FILIP1L: variants seen among roughly 807,000 people sequenced by gnomAD.
FILIP1L encodes the protein filamin A interacting protein 1 like, also known as filamin A-interacting protein 1-like.
Under a neutral mutation model 96.6 loss-of-function variants are expected in FILIP1L, and 55 were observed. The ratio of observed to expected loss-of-function variants is 0.57; its 90% CI spans 0.46 to 0.71. The LOEUF is 0.71. Among genes scored for constraint, FILIP1L ranks in the 30% least tolerant of loss-of-function variants. FILIP1L has a pLI of 0.00. For synonymous variants in FILIP1L, 467 were observed against 473.9 expected, an observed-to-expected ratio of 0.99 and a Z score of 0.19; for missense variants, 1,304 against 1,321.2, an observed-to-expected ratio of 0.99 and a Z score of 0.20.
At chr3:99,888,531 A>C (rs1195098240) in intron 4 of FILIP1L, among the ~76,000 whole-genome samples, 1 of 152,194 alleles carries the variant, frequency 6.6e-6, no homozygotes, top group Non-Finnish European at 1.5e-5. Context: ...CTGAATATTA[A>C]TGAGTTGGTT....
intron 1 of FILIP1L, among the ~76,000 whole-genome samples, chr3:99,955,148 G>T (rs1254279761): frequency 1.3e-5 from 2 of 152,152 alleles, no homozygotes; most frequent in Non-Finnish European, 2.9e-5. Flanking sequence ...CAATTCTATG[G>T]CTGTATCATT....
intron 1 of FILIP1L, among the ~76,000 whole-genome samples, chr3:100,036,138 A>C (rs2065103204): frequency 6.6e-6 from 1 of 152,234 alleles, no homozygotes; most frequent in African/African-American, 2.4e-5. Flanking sequence ...ATCCACTTTT[A>C]GGAAGGTCTT....
chr3:100,058,803 C>T (rs996846060), intron 1 of FILIP1L, among the ~76,000 whole-genome samples: 5 of 152,226 alleles, frequency 3.3e-5, no homozygotes, highest in Non-Finnish European at 7.3e-5. Context: ...GCCATGACTT[C>T]TCTTCTGGAG....
chr3:99,937,098 G>A (rs191386985), intron 1 of FILIP1L, among the ~76,000 whole-genome samples: 1 of 151,888 alleles, frequency 6.6e-6, no homozygotes, highest in Non-Finnish European at 1.5e-5. Flanking sequence ...CCATCATGTG[G>A]CTAATTTTTT....
intron 1 of FILIP1L, among the ~76,000 whole-genome samples, chr3:100,062,349 G>A (rs910105078): frequency 1.3e-5 from 2 of 151,820 alleles, no homozygotes; most frequent in Admixed American, 6.6e-5. Context: ...CTGACCTCGC[G>A]ATCCACCCGT....
chr3:100,062,093 CTTTTTTTTTTTTTTTTTTTTTTT>C (rs71907944), intron 1 of FILIP1L, among the ~76,000 whole-genome samples: 1 of 53,154 alleles, frequency 1.9e-5, no homozygotes, highest in Admixed American at 2.3e-4. Flanking sequence ...CTGTCTTCTT[CTTTTTTTTTTTTTTTTTTTTTTT>C]TTTTTTTTTT....
At chr3:99,991,860 G>GTGTATATATATACACACATATATGT in intron 1 of FILIP1L, among the ~76,000 whole-genome samples, 1 of 131,528 alleles carries the variant, frequency 7.6e-6, no homozygotes, top group Non-Finnish European at 1.7e-5. Context: ...GTGTGTGTAT[G>GTGTATATATATACACACATATATGT]TGTATATATA....
At chr3:99,877,955 C>T (rs1377720745) in intron 4 of FILIP1L, among the ~76,000 whole-genome samples, 1 of 152,184 alleles carries the variant, frequency 6.6e-6, no homozygotes, top group Non-Finnish European at 1.5e-5. Flanking sequence ...GTTTCTTTCT[C>T]ACATATCCAT....
At chr3:99,895,329 A>C (rs1177635818) in intron 4 of FILIP1L, among the ~76,000 whole-genome samples, 1 of 151,280 alleles carries the variant, frequency 6.6e-6, no homozygotes, top group East Asian at 1.9e-4. Flanking sequence ...TAATCCAACT[A>C]GCTTTGCAGT....
chr3:99,961,686 A>T (rs1436572337), intron 1 of FILIP1L, among the ~76,000 whole-genome samples: 1 of 152,116 alleles, frequency 6.6e-6, no homozygotes, highest in Non-Finnish European at 1.5e-5. Context: ...ATATTCTTTT[A>T]TAAGTGATTT....
At chr3:100,046,048 G>T (rs1448369439) in intron 1 of FILIP1L, among the ~76,000 whole-genome samples, 1 of 152,176 alleles carries the variant, frequency 6.6e-6, no homozygotes. Context: ...ATTTTTTAAG[G>T]AAAGGGTATG....
intron 1 of FILIP1L, among the ~76,000 whole-genome samples, chr3:100,109,406 G>A (rs2066450508): frequency 6.6e-6 from 1 of 152,112 alleles, no homozygotes; most frequent in Non-Finnish European, 1.5e-5. Flanking sequence ...ATGCAATCAT[G>A]TAACCACCAT....
In FILIP1L at chr3:99,968,430, A is replaced by G. The variant is rs539704779; in HGVS notation, c.-10-37400T>C. On this transcript the variant is annotated intron_variant, in intron 1 of 5. Transcript: ENST00000477258. The stretch of plus-strand genomic sequence containing the variant: ...TCCTGAAAAACTATGTTTTTGGGGG[A>G]AAAAAAAAAAAAAGACTGAATGATA... Among the ~76,000 whole-genome samples the G allele has an allele frequency of 6.2e-5, 9 of 145,392 alleles. No individual in the cohort carries two copies. In the South Asian group the frequency reaches 6.5e-4, roughly 10 times the overall value.
At chr3:100,050,517 ATTTG>A (rs747927933) in intron 1 of FILIP1L, among the ~76,000 whole-genome samples, 9 of 152,084 alleles carry the variant, frequency 5.9e-5, no homozygotes, top group East Asian at 1.9e-4. Flanking sequence ...AATTCCCACA[ATTTG>A]TTTGTTTATT....
At chr3:99,871,098 A>G (rs1335283340) in intron 4 of FILIP1L, among the ~76,000 whole-genome samples, 1 of 152,224 alleles carries the variant, frequency 6.6e-6, no homozygotes, top group Non-Finnish European at 1.5e-5. Context: ...TATAACATAC[A>G]CTGCCATACA....
intron 1 of FILIP1L, among the ~76,000 whole-genome samples, chr3:99,954,926 G>C (rs1430130874): frequency 6.6e-6 from 1 of 152,138 alleles, no homozygotes; most frequent in African/African-American, 2.4e-5. Context: ...CATAAAATAA[G>C]CCCACAATAA....
intron 1 of FILIP1L, among the ~76,000 whole-genome samples, chr3:100,055,326 A>G (rs367763412): frequency 6.6e-6 from 1 of 152,256 alleles, no homozygotes; most frequent in South Asian, 2.1e-4. Flanking sequence ...GTTATCCCCA[A>G]CATCACTGGC....
intron 1 of FILIP1L, among the ~76,000 whole-genome samples, chr3:100,101,952 A>G (rs1391183335): frequency 2.6e-5 from 4 of 152,130 alleles, no homozygotes; most frequent in African/African-American, 9.7e-5. Context: ...ACATGAACTC[A>G]TCATTTTTTA....
intron 4 of FILIP1L, among the ~76,000 whole-genome samples, chr3:99,861,075 C>T (rs192261422): frequency 7.2e-5 from 11 of 152,208 alleles, no homozygotes; most frequent in Non-Finnish European, 1.0e-4. Flanking sequence ...TTTCCTCCCC[C>T]ACCCCCTGCT....
Sources: gnomAD v4.1 joint callset for allele counts (sites outside exome capture counted in the v4.1 genomes callset) on GRCh38, gnomAD v4.1.1 for gene constraint, MANE v1.5 for transcripts, NCBI Gene and HGNC (gene_info 2026-07-23, HGNC 2026-07-21) for gene names.